Variants in P2RY14 observed in about 807,000 individuals in gnomAD.
P2RY14 encodes the protein purinergic receptor P2Y14, also known as P2Y purinoceptor 14.
Under a neutral mutation model 0.9 loss-of-function variants are expected in P2RY14, and 2 were observed. The observed-to-expected ratio is 2.16, with a 90% CI of 0.88 to 6.79. The LOEUF (loss-of-function observed/expected upper bound fraction) is 6.79. Among genes scored for constraint, P2RY14 ranks in the 30% most tolerant of loss-of-function variants. The pLI is 0.05. For synonymous variants in P2RY14, 158 were observed against 147.2 expected, an observed-to-expected ratio of 1.07 and a Z score of -0.53; for missense variants, 378 against 400.1, an observed-to-expected ratio of 0.94 and a Z score of 0.47.
In P2RY14 at chr3:151,213,342, G is replaced by T; in HGVS notation, c.975C>A (p.Ile325=). ...KAQNDLDISR[I]KRGNTTLEST... is the part of the protein sequence containing the mutation. ...TTTCAAGTGTTGTATTTCCTCTTTT[G>T]ATTCTGGAAATGTCTAGGTCATTCT... is the stretch of plus-strand genomic sequence containing the variant. Residue 325 remains isoleucine (I), a synonymous_variant, in exon 3 of 3, where the codon ATC becomes ATA. Transcript: ENST00000309170. 6.2e-7 allele frequency: 1 copy of T among 1,612,444 alleles called. No individual in the cohort carries two copies. The highest frequency in any genetic ancestry group is 1.1e-5 in the South Asian group (1 of 90,654).
At chr3:151,256,068 A>C (rs923296479) in intron 1 of P2RY14, among the ~76,000 whole-genome samples, 1 of 152,232 alleles carries the variant, frequency 6.6e-6, no homozygotes, top group African/African-American at 2.4e-5. Flanking sequence ...AACATATGCT[A>C]GATAGAAATA....
In P2RY14 at chr3:151,270,171, T is replaced by C. The variant is rs1000091648; in HGVS notation, c.-133+8116A>G. ...TAGGTTCCAACCTTTTTAAAAATTT[T>C]CTCCAGTTCCTGGGAGCAAGCTGTC... On this transcript the variant is annotated intron_variant, in intron 1 of 2. Transcript: ENST00000309170. 2.1e-5 allele frequency: 4 copies of C among 188,918 alleles called. No homozygotes were observed. The East Asian group carries it at 5.0e-4, about 24-fold the overall frequency. The allele number at this position is 188,918 out of a possible 1,614,324, so 11.7% of individuals were successfully genotyped here.
At chr3:151,257,616 A>G (rs895840619) in intron 1 of P2RY14, among the ~76,000 whole-genome samples, 2 of 152,272 alleles carry the variant, frequency 1.3e-5, no homozygotes, top group African/African-American at 4.8e-5. Context: ...ATTGTCTGTC[A>G]TCAGTATTAT....
intron 1 of P2RY14, among the ~76,000 whole-genome samples, chr3:151,255,178 A>G (rs1420391910): frequency 6.6e-6 from 1 of 152,174 alleles, no homozygotes; most frequent in African/African-American, 2.4e-5. Context: ...GACCAATTTC[A>G]TGTAAGAAGG....
In P2RY14 at chr3:151,229,444, C is replaced by T. The variant is rs572015103; in HGVS notation, c.-132-9802G>A. The stretch of plus-strand genomic sequence containing the variant: ...GCGTCAGCCTCCCGAGTAGCTGGGA[C>T]TACAGGCTCGTGCCACCATGCCCGG... On this transcript the variant is annotated intron_variant, in intron 1 of 2. Transcript: ENST00000309170. 2.8e-4 allele frequency among the ~76,000 whole-genome samples: 41 copies of T among 147,846 alleles called. 1 individual carries two copies. Among genetic ancestry groups the T allele is most frequent in the African/African-American group, 9.5e-4 (38 of 40,004 alleles).
At chr3:151,269,863 G>A in intron 1 of P2RY14, 1 of 458,674 alleles carries the variant, frequency 2.2e-6, no homozygotes. Context: ...GGAAGAGGCA[G>A]CACGAAGAAC....
intron 1 of P2RY14, among the ~76,000 whole-genome samples, chr3:151,227,885 C>T (rs1280175225): frequency 1.3e-5 from 2 of 152,082 alleles, no homozygotes; most frequent in African/African-American, 2.4e-5. Flanking sequence ...GGTGTTTAGC[C>T]GCATCCCTGG....
At chr3:151,268,259 A>ATG (rs1229589884) in intron 1 of P2RY14, among the ~76,000 whole-genome samples, 1 of 151,848 alleles carries the variant, frequency 6.6e-6, no homozygotes, top group African/African-American at 2.4e-5. Flanking sequence ...TTACTTATAT[A>ATG]TATATATAAG....
At chr3:151,245,273 G>A (rs2149407700) in intron 1 of P2RY14, among the ~76,000 whole-genome samples, 1 of 152,128 alleles carries the variant, frequency 6.6e-6, no homozygotes, top group Admixed American at 6.5e-5. Flanking sequence ...ATTTTATGAG[G>A]CCAGCATCAT....
intron 1 of P2RY14, among the ~76,000 whole-genome samples, chr3:151,243,082 A>C (rs1266563298): frequency 1.3e-5 from 2 of 151,140 alleles, no homozygotes; most frequent in African/African-American, 4.9e-5. Context: ...AATAAAAAGA[A>C]ATGAGCAAAG....
intron 1 of P2RY14, among the ~76,000 whole-genome samples, chr3:151,240,772 T>C (rs1451283291): frequency 1.3e-5 from 2 of 152,252 alleles, no homozygotes; most frequent in Non-Finnish European, 2.9e-5. Context: ...AACTTGTATT[T>C]ATATATTAAT....
At chr3:151,277,239 G>C (rs1389119736) in intron 1 of P2RY14, among the ~76,000 whole-genome samples, 2 of 151,476 alleles carry the variant, frequency 1.3e-5, no homozygotes, top group Non-Finnish European at 2.9e-5. Flanking sequence ...TGACAATATA[G>C]AGTTCATTCA....
At chr3:151,230,360 T>G (rs576602209) in intron 1 of P2RY14, among the ~76,000 whole-genome samples, 1 of 152,364 alleles carries the variant, frequency 6.6e-6, no homozygotes, top group African/African-American at 2.4e-5. Context: ...TAGAAGTCAG[T>G]CAAGTACAGT....
Position 151,214,109 on chromosome 3 carries a change from T to C in P2RY14, c.208A>G (p.Met70Val), listed in dbSNP as rs750328136. 8.7e-6 allele frequency: 14 copies of C among 1,613,948 alleles called. No homozygotes were observed. ...LKNIVIADFV[M>V]SLTFPFKILG... ...ATCTTGAAAGGAAAAGTCAGGCTCA[T>C]CACAAAGTCAGCAATAACAATGTTC... Residue 70 changes from methionine to valine, a missense_variant, in exon 3 of 3, where the codon ATG (methionine) becomes GTG (valine). Met to Val is a conservative substitution (Grantham distance 21). Coordinates refer to ENST00000309170, the MANE Select transcript of P2RY14 (RefSeq NM_014879.4).
rs1276261369 is a variant in P2RY14, at chr3:151,212,892, T to A, written c.*408A>T. The stretch of plus-strand genomic sequence containing the variant: ...TCAAGTTAGTCTTTAAGGACAGTGT[T>A]GAAAACAATTACATACTAGATTCTG... On this transcript the variant is annotated 3_prime_UTR_variant, in exon 3 of 3. Coordinates refer to ENST00000309170, the MANE Select transcript of P2RY14 (RefSeq NM_014879.4). The A allele has an allele frequency of 6.5e-6, 1 of 153,050 alleles. No homozygotes were observed. The highest frequency in any genetic ancestry group is 1.5e-5 in the Non-Finnish European group (1 of 68,878). The allele number at this position is 153,050 out of a possible 1,614,324, so 9.5% of individuals were successfully genotyped here.
chr3:151,261,776 G>A (rs1738955901), intron 1 of P2RY14, among the ~76,000 whole-genome samples: 1 of 152,124 alleles, frequency 6.6e-6, no homozygotes, highest in African/African-American at 2.4e-5. Flanking sequence ...CCAGGCCACA[G>A]TGCAGTGGTA....
intron 1 of P2RY14, among the ~76,000 whole-genome samples, chr3:151,252,840 C>G (rs1226102653): frequency 2.6e-5 from 4 of 151,980 alleles, no homozygotes; most frequent in Non-Finnish European, 5.9e-5. Flanking sequence ...TGTATTTTAA[C>G]CAAAACTGGT....
chr3:151,247,906 G>A (rs769773580), intron 1 of P2RY14, among the ~76,000 whole-genome samples: 2 of 148,466 alleles, frequency 1.3e-5, no homozygotes, highest in Non-Finnish European at 3.0e-5. Flanking sequence ...GTATTCAGAA[G>A]ACAGGGCTCC....
At chr3:151,264,542 A>G (rs950075889) in intron 1 of P2RY14, among the ~76,000 whole-genome samples, 9 of 152,214 alleles carry the variant, frequency 5.9e-5, no homozygotes, top group Admixed American at 5.9e-4. Flanking sequence ...CCCAGTATGG[A>G]GAGTTTTCTC....
Sources: allele counts gnomAD v4.1 joint callset (sites outside exome capture counted in the v4.1 genomes callset), GRCh38; gene constraint gnomAD v4.1.1; transcripts MANE v1.5; gene names NCBI Gene and HGNC (gene_info 2026-07-23, HGNC 2026-07-21).